Variants in GOLGA5 observed in about 807,000 individuals in gnomAD.
The protein encoded by GOLGA5 is golgin A5.
Under a neutral mutation model 93.5 loss-of-function variants are expected in GOLGA5, and 50 were observed. The observed-to-expected ratio is 0.53, with a 90% CI of 0.43 to 0.68. The LOEUF (loss-of-function observed/expected upper bound fraction) is 0.68. GOLGA5 is among the 30% of genes least tolerant of loss of function. The pLI, the probability that GOLGA5 is intolerant of heterozygous loss-of-function variation, is 0.00. For synonymous variants in GOLGA5, 312 were observed against 304.5 expected, an observed-to-expected ratio of 1.02 and a Z score of -0.26; for missense variants, 760 against 856.4, an observed-to-expected ratio of 0.89 and a Z score of 1.40.
chr14:92,825,368 G>A (rs1178411556), intron 9 of GOLGA5, among the ~76,000 whole-genome samples: 1 of 152,036 alleles, frequency 6.6e-6, no homozygotes, highest in Non-Finnish European at 1.5e-5. Context: ...ATTTTTATAA[G>A]AGTTGAGAAC....
chr14:92,799,006 G>C (rs149298186), intron 2 of GOLGA5, among the ~76,000 whole-genome samples: 2 of 152,140 alleles, frequency 1.3e-5, no homozygotes. Context: ...TTGCTCTATC[G>C]CCGAGGCTTA....
intron 9 of GOLGA5, 137 bp from the exon 10 acceptor site, chr14:92,832,985 T>A: frequency 1.6e-6 from 1 of 621,204 alleles, no homozygotes; most frequent in East Asian, 2.7e-5. Context: ...AAAATCACTT[T>A]TGTAGACATT....
intron 2 of GOLGA5, among the ~76,000 whole-genome samples, chr14:92,798,293 A>G (rs1884783102): frequency 6.6e-6 from 1 of 152,214 alleles, no homozygotes; most frequent in Non-Finnish European, 1.5e-5. Context: ...GAAAGAAAAC[A>G]TGTCAGTTTG....
At chr14:92,825,197 T>C (rs780280198) in intron 9 of GOLGA5, among the ~76,000 whole-genome samples, 2 of 152,224 alleles carry the variant, frequency 1.3e-5, no homozygotes, top group Non-Finnish European at 2.9e-5. Flanking sequence ...ATTGATTTAA[T>C]GGACTTAATA....
intron 4 of GOLGA5, among the ~76,000 whole-genome samples, chr14:92,809,898 C>G (rs1005461930): frequency 1.3e-5 from 2 of 152,158 alleles, no homozygotes; most frequent in African/African-American, 4.8e-5. Flanking sequence ...GTGGAGGTTG[C>G]AGTGAGCTGA....
At chr14:92,812,875 T>C (rs1885130787) in intron 6 of GOLGA5, among the ~76,000 whole-genome samples, 1 of 152,204 alleles carries the variant, frequency 6.6e-6, no homozygotes, top group African/African-American at 2.4e-5. Flanking sequence ...TACCTTGCAC[T>C]GCTGTATGCT....
At position 92,799,615 on chromosome 14, in the gene GOLGA5, A is replaced by T. The variant is rs546368410; in HGVS notation, c.544+1634A>T. Among the ~76,000 whole-genome samples the T allele has an allele frequency of 2.4e-3, 319 of 131,886 alleles. 2 individuals are homozygous for T. Among genetic ancestry groups the T allele is most frequent in the African/African-American group, 6.7e-3 (231 of 34,510 alleles). The allele number at this position is 131,886 out of a possible 152,430, so 86.5% of individuals were successfully genotyped here. On this transcript the variant is annotated intron_variant, in intron 2 of 12. Coordinates refer to ENST00000163416, the MANE Select transcript of GOLGA5 (RefSeq NM_005113.4). ...AATGTTTTTATTTATTTATTTATTTATTTTTTTGTGAGACGGAGTCTCGCT... is the reference window on the plus strand; with the variant it reads ...AATGTTTTTATTTATTTATTTATTTTTTTTTTTGTGAGACGGAGTCTCGCT...
rs566611459 is a variant in GOLGA5, at chr14:92,818,848, G to A, written c.1492-860G>A. 3.9e-5 allele frequency among the ~76,000 whole-genome samples: 6 copies of A among 152,312 alleles called. No homozygotes were observed. In the South Asian group the frequency reaches 1.2e-3, roughly 32 times the overall value. The stretch of plus-strand genomic sequence containing the variant: ...GGAAAATATAGAAACCTAGAGCCAT[G>A]TTTTTGCTACTAGGAGATTTGACAG... On this transcript the variant is annotated intron_variant, in intron 7 of 12. Transcript: ENST00000163416.
intron 3 of GOLGA5, 127 bp downstream of exon 3, chr14:92,807,090 A>G (rs1885004008): frequency 4.8e-6 from 3 of 624,410 alleles, no homozygotes; most frequent in South Asian, 3.6e-5. Flanking sequence ...GCCTGAGGTC[A>G]GGAGTTCAAG....
At chr14:92,808,655 G>A (rs372926701) in intron 3 of GOLGA5, among the ~76,000 whole-genome samples, 2 of 72,350 alleles carry the variant, frequency 2.8e-5, no homozygotes, top group African/African-American at 1.5e-4. Flanking sequence ...TCTGTCTCAT[G>A]TTTTTGGGTT....
At chr14:92,830,567 A>G (rs1348797812) in intron 9 of GOLGA5, among the ~76,000 whole-genome samples, 1 of 152,076 alleles carries the variant, frequency 6.6e-6, no homozygotes, top group Admixed American at 6.5e-5. Context: ...TGCACTGTTA[A>G]TAGACTACAG....
intron 5 of GOLGA5, 161 bp downstream of exon 5, chr14:92,810,538 C>A: frequency 2.1e-6 from 1 of 475,510 alleles, no homozygotes; most frequent in African/African-American, 2.0e-5. Context: ...TTAGCTTGAT[C>A]CTTGCTAAAT....
At chr14:92,822,191 C>G (rs1885329811) in intron 8 of GOLGA5, among the ~76,000 whole-genome samples, 1 of 152,158 alleles carries the variant, frequency 6.6e-6, no homozygotes, top group Non-Finnish European at 1.5e-5. Context: ...CCCTAATTAC[C>G]TTTCTCATAA....
intron 12 of GOLGA5, among the ~76,000 whole-genome samples, chr14:92,838,511 G>A (rs368980869): frequency 6.6e-6 from 1 of 152,114 alleles, no homozygotes; most frequent in Non-Finnish European, 1.5e-5. Flanking sequence ...GGGGCTACAG[G>A]CGCACGCCAC....
Position 92,816,537 on chromosome 14 carries a change from G to GCTTCTCTTCT in GOLGA5, c.1491+120_1491+121insTCTTCTCTTC, listed in dbSNP as rs1458228318. 42 of 726,606 alleles carry GCTTCTCTTCT rather than the reference G, an allele frequency of 5.8e-5. 2 individuals are homozygous for GCTTCTCTTCT. The South Asian group carries it at 7.6e-4, about 13-fold the overall frequency. 45.0% of individuals were successfully genotyped at this position (726,606 alleles called of 1,614,324 possible). A position where few individuals can be genotyped will look rare whatever the true frequency, so the allele number is the denominator to read the frequency against. ...TAGGTTTCTCGCTTCTCTTCGCTTC[G>GCTTCTCTTCT]CTTCGCTTCTCTTCTCTTCCTCCTC... is the stretch of plus-strand genomic sequence containing the variant. On this transcript the variant is annotated intron_variant, in intron 7 of 12. Transcript: ENST00000163416.
intron 6 of GOLGA5, among the ~76,000 whole-genome samples, chr14:92,814,170 T>C (rs1595596335): frequency 6.6e-6 from 1 of 152,102 alleles, no homozygotes; most frequent in Non-Finnish European, 1.5e-5. Context: ...GCAAGAGCGA[T>C]GTGTAACCTA....
rs1270138880 is a variant in GOLGA5 at position 92,824,568 on chromosome 14, A to T, written c.1643A>T (p.Asp548Val). 1 of 1,596,932 alleles carries T rather than the reference A, an allele frequency of 6.3e-7. No individual in the cohort carries two copies. The highest frequency in any genetic ancestry group is 8.6e-7 in the Non-Finnish European group (1 of 1,166,858). ...CAGGAGTTCCACTATATAGAAGAAG[A>T]TCTTTATCGAACAAAGAACACATTG... ...LKQEFHYIEE[D>V]LYRTKNTLQS... The change falls in exon 9 of 13, where the codon GAT (aspartate) becomes GTT (valine). Residue 548 changes from aspartate to valine, a missense_variant. By Grantham distance (152) the Asp-to-Val change is radical. Coordinates refer to ENST00000163416, the MANE Select transcript of GOLGA5 (RefSeq NM_005113.4).
intron 8 of GOLGA5, among the ~76,000 whole-genome samples, chr14:92,820,168 T>C (rs1402330597): frequency 6.6e-6 from 1 of 152,226 alleles, no homozygotes; most frequent in Non-Finnish European, 1.5e-5. Flanking sequence ...TATTGATCAC[T>C]GTTTTCATTA....
chr14:92,805,793 G>A (rs1884971683), intron 2 of GOLGA5, among the ~76,000 whole-genome samples: 1 of 151,884 alleles, frequency 6.6e-6, no homozygotes, highest in African/African-American at 2.4e-5. Context: ...AAAGTATCAA[G>A]TCTTTTACCC....
Sources: gnomAD v4.1 joint callset for allele counts (sites outside exome capture counted in the v4.1 genomes callset) on GRCh38, gnomAD v4.1.1 for gene constraint, MANE v1.5 for transcripts, NCBI Gene and HGNC (gene_info 2026-07-23, HGNC 2026-07-21) for gene names.